JAZF1: variants seen among roughly 807,000 people sequenced by gnomAD.
The protein encoded by JAZF1 is juxtaposed with another zinc finger protein 1.
Under a neutral mutation model 26.4 loss-of-function variants are expected in JAZF1, and 8 were observed. The observed-to-expected ratio is 0.30, with a 90% CI of 0.18 to 0.55. The LOEUF is 0.55. Among genes scored for constraint, JAZF1 ranks in the 20% least tolerant of loss-of-function variants. The pLI, the probability that JAZF1 is intolerant of heterozygous loss-of-function variation, is 0.94. For missense variants in JAZF1, 199 were observed against 322.0 expected (o/e 0.62, Z 2.92); for synonymous variants, 126 against 122.3 (o/e 1.03, Z -0.20).
intron 1 of JAZF1, among the ~76,000 whole-genome samples, chr7:27,999,807 C>A (rs1298460193): frequency 6.6e-6 from 1 of 152,186 alleles, no homozygotes; most frequent in Non-Finnish European, 1.5e-5. Flanking sequence ...TCAGCTCAGA[C>A]AGCTCTGCCT....
intron 1 of JAZF1, among the ~76,000 whole-genome samples, chr7:28,044,670 A>G (rs550788380): frequency 5.9e-5 from 9 of 152,334 alleles, no homozygotes; most frequent in Admixed American, 2.0e-4. Context: ...ATTAAAAATG[A>G]CCTTTCTGAT....
intron 1 of JAZF1, among the ~76,000 whole-genome samples, chr7:28,043,360 T>G (rs1783436543): frequency 6.6e-6 from 1 of 152,144 alleles, no homozygotes; most frequent in Non-Finnish European, 1.5e-5. Flanking sequence ...GGCTCAAGTG[T>G]TGCCTCTTCT....
chr7:28,002,587 T>C (rs1486037732), intron 1 of JAZF1, among the ~76,000 whole-genome samples: 1 of 152,218 alleles, frequency 6.6e-6, no homozygotes, highest in African/African-American at 2.4e-5. Context: ...GTGTAACTAC[T>C]GCTCAGTTCT....
chr7:28,093,667 C>T (rs1044846485), intron 1 of JAZF1, among the ~76,000 whole-genome samples: 8 of 152,176 alleles, frequency 5.3e-5, no homozygotes, highest in African/African-American at 1.4e-4. Flanking sequence ...CTCTCTCAGG[C>T]GGCGCGTTCA....
chr7:28,011,343 A>C (rs1174219589), intron 1 of JAZF1, among the ~76,000 whole-genome samples: 1 of 152,238 alleles, frequency 6.6e-6, no homozygotes, highest in Non-Finnish European at 1.5e-5. Flanking sequence ...TAAACTTTTG[A>C]GTTTTAGAAT....
intron 1 of JAZF1, among the ~76,000 whole-genome samples, chr7:28,117,417 T>C (rs1194759144): frequency 6.6e-6 from 1 of 152,232 alleles, no homozygotes; most frequent in Admixed American, 6.5e-5. Context: ...TGAGGTAGAC[T>C]AGACATTTGC....
chr7:27,898,496 G>A (rs1246473902), intron 2 of JAZF1, among the ~76,000 whole-genome samples: 1 of 151,828 alleles, frequency 6.6e-6, no homozygotes, highest in African/African-American at 2.4e-5. Context: ...GTAGAGACAA[G>A]GTTTCACCAC....
At chr7:28,017,220 G>A (rs1782909669) in intron 1 of JAZF1, among the ~76,000 whole-genome samples, 1 of 152,014 alleles carries the variant, frequency 6.6e-6, no homozygotes, top group African/African-American at 2.4e-5. Flanking sequence ...GCATGGTGGT[G>A]GGTGCCTGTA....
chr7:28,127,350 G>T lies in JAZF1; in HGVS notation c.115+53113C>A, dbSNP rs551229631. ...CAGGGTGGGGATACAGATGCCAGAG[G>T]AAGCTGTGGAAGTGGGATGGAACCT... On this transcript the variant is annotated intron_variant, in intron 1 of 4. Coordinates refer to ENST00000283928, the MANE Select transcript of JAZF1 (RefSeq NM_175061.4). 7.2e-5 allele frequency among the ~76,000 whole-genome samples: 11 copies of T among 152,320 alleles called. No individual in the cohort carries two copies. In the South Asian group the frequency reaches 1.2e-3, roughly 17 times the overall value.
intron 2 of JAZF1, among the ~76,000 whole-genome samples, chr7:27,904,680 C>T (rs1784220900): frequency 6.6e-6 from 1 of 152,066 alleles, no homozygotes; most frequent in African/African-American, 2.4e-5. Context: ...AAACTCTGAG[C>T]CCCTTTTAAC....
chr7:28,103,768 T>C (rs189513695), intron 1 of JAZF1, among the ~76,000 whole-genome samples: 1 of 152,232 alleles, frequency 6.6e-6, no homozygotes, highest in East Asian at 1.9e-4. Flanking sequence ...GACCACTGGT[T>C]ATCTTGTTAC....
chr7:27,876,218 G>A (rs1456809637), intron 3 of JAZF1, among the ~76,000 whole-genome samples: 1 of 152,238 alleles, frequency 6.6e-6, no homozygotes, highest in African/African-American at 2.4e-5. Context: ...AGGTGGGGTG[G>A]AAGGGACAGA....
intron 2 of JAZF1, among the ~76,000 whole-genome samples, chr7:27,946,264 T>C (rs1322688460): frequency 3.9e-5 from 6 of 152,186 alleles, no homozygotes; most frequent in Non-Finnish European, 8.8e-5. Flanking sequence ...TTTAAATCTG[T>C]AGTAAATTTG....
intron 1 of JAZF1, among the ~76,000 whole-genome samples, chr7:28,082,664 C>T (rs1583550810): frequency 6.6e-6 from 1 of 152,154 alleles, no homozygotes; most frequent in East Asian, 1.9e-4. Flanking sequence ...GGCACATGTC[C>T]CACCAGACAC....
intron 1 of JAZF1, among the ~76,000 whole-genome samples, chr7:28,041,155 T>C (rs1009403475): frequency 7.9e-5 from 12 of 152,064 alleles, no homozygotes; most frequent in Non-Finnish European, 8.8e-5. Context: ...GCAAAAGGCT[T>C]TCTAGGGGTG....
At chr7:28,132,213 G>A (rs17156453) in intron 1 of JAZF1, among the ~76,000 whole-genome samples, 5,387 of 152,226 alleles carry the variant, frequency 0.035, 300 homozygotes, top group African/African-American at 0.12. Context: ...AGTACATGGC[G>A]GTCTTGGCCC....
intron 3 of JAZF1, among the ~76,000 whole-genome samples, chr7:27,858,482 T>C (rs994883337): frequency 1.3e-5 from 2 of 152,098 alleles, no homozygotes; most frequent in African/African-American, 4.8e-5. Flanking sequence ...CTTCAAACTA[T>C]ACTACAAGGG....
At chr7:28,084,832 T>G (rs1276127617) in intron 1 of JAZF1, among the ~76,000 whole-genome samples, 1 of 152,216 alleles carries the variant, frequency 6.6e-6, no homozygotes, top group East Asian at 1.9e-4. Context: ...AAGTTCGTGT[T>G]GCAATTTAAT....
intron 1 of JAZF1, among the ~76,000 whole-genome samples, chr7:27,999,825 T>C (rs1393722964): frequency 6.6e-6 from 1 of 151,886 alleles, no homozygotes; most frequent in Admixed American, 6.6e-5. Flanking sequence ...CCTTGGAGAG[T>C]CAGGCAAACA....
Sources: gnomAD v4.1 joint callset for allele counts (sites outside exome capture counted in the v4.1 genomes callset) on GRCh38, gnomAD v4.1.1 for gene constraint, MANE v1.5 for transcripts, NCBI Gene and HGNC (gene_info 2026-07-23, HGNC 2026-07-21) for gene names.